GLB1: variants seen among roughly 807,000 people sequenced by gnomAD.
GLB1 encodes the protein galactosidase beta 1.
In GLB1, 56 loss-of-function variants were observed where a neutral mutation model predicts 74.0. The observed-to-expected ratio is 0.76, with a 90% CI of 0.61 to 0.94. The LOEUF is 0.94. Ranked by LOEUF, GLB1 falls within the 40% of genes least tolerant of loss-of-function variation. GLB1 has a pLI of 0.00. For missense variants in GLB1, 787 were observed against 845.5 expected, an observed-to-expected ratio of 0.93 and a Z score of 0.86; for synonymous variants, 323 against 323.6, an observed-to-expected ratio of 1.00 and a Z score of 0.02.
At chr3:32,962,121 G>C in the GLB1 span, among the ~76,000 whole-genome samples, 6 of 151,902 alleles carry the variant, frequency 3.9e-5, no homozygotes, top group Non-Finnish European at 8.8e-5. Context: ...TTAAACCCAG[G>C]AGGCGGAGGT....
chr3:33,096,398 TC>T, intron 1 of GLB1: 49 of 952,420 alleles, frequency 5.1e-5, no homozygotes, highest in Middle Eastern at 5.5e-4. Context: ...GCCTGCCTAT[TC>T]CCCCCCTCAA....
intron 1 of GLB1, among the ~76,000 whole-genome samples, chr3:33,095,514 G>C (rs1700986432): frequency 6.6e-6 from 1 of 152,146 alleles, no homozygotes; most frequent in African/African-American, 2.4e-5. Flanking sequence ...TTAGCTGTGG[G>C]CACAGAAGCC....
chr3:33,018,965 GT>G (rs1316648729), intron 12 of GLB1, among the ~76,000 whole-genome samples: 1 of 152,136 alleles, frequency 6.6e-6, no homozygotes, highest in Non-Finnish European at 1.5e-5. Context: ...AAGAGATGAA[GT>G]TCTGCTCAGC....
rs528419815 is a variant in GLB1 at position 33,090,414 on chromosome 3, G to A, written c.75+6597C>T. 17 of 985,438 alleles carry A rather than the reference G, an allele frequency of 1.7e-5. No homozygotes were observed. In the South Asian group the frequency reaches 7.5e-4, roughly 44 times the overall value. 61.0% of individuals were successfully genotyped at this position (985,438 alleles called of 1,614,324 possible). ...AAAACACGAGGGGAAGAAAAGCATG[G>A]ATGGGTATTTGGAAGGAATGGCAGC... On this transcript the variant is annotated intron_variant, in intron 1 of 15. Transcript: ENST00000307363.
intron 15 of GLB1, among the ~76,000 whole-genome samples, chr3:33,001,953 A>G (rs1696590918): frequency 6.6e-6 from 1 of 152,164 alleles, no homozygotes; most frequent in Admixed American, 6.5e-5. Context: ...ATATACATTG[A>G]TTTTTATTTC....
chr3:33,018,476 T>C lies in GLB1; in HGVS notation c.1319A>G (p.His440Arg). ...ATCCACAGCAACATATGCTCGATCG[T>C]GGACTCCATTGAGGGGTGAAGAGAG... is the stretch of plus-strand genomic sequence containing the variant. ...APLSSPLNGV[H>R]DRAYVAVDGI... Residue 440 changes from histidine (H) to arginine (R), a missense_variant, in exon 13 of 16, where the codon CAC becomes CGC. His to Arg is a conservative substitution (Grantham distance 29, BLOSUM62 0). Transcript: ENST00000307363. The C allele has an allele frequency of 6.2e-7, 1 of 1,614,030 alleles. No homozygotes were observed.
Position 33,092,285 on chromosome 3 carries a change from T to A in GLB1, c.75+4726A>T, listed in dbSNP as rs1180195361. 4.1e-6 allele frequency: 4 copies of A among 986,598 alleles called. No homozygotes were observed. The African/African-American group carries it at 7.0e-5, about 17-fold the overall frequency. 61.1% of individuals were successfully genotyped at this position (986,598 alleles called of 1,614,324 possible). ...ATGCCCTCAATAGAGGTGATCCTGA[T>A]AGAATCAGAGGAAAAGAAAATATTC... On this transcript the variant is annotated intron_variant, in intron 1 of 15. Transcript: ENST00000307363.
At chr3:32,965,013 C>T in the GLB1 span, among the ~76,000 whole-genome samples, 4 of 152,296 alleles carry the variant, frequency 2.6e-5, no homozygotes, top group South Asian at 6.2e-4. Context: ...TCACCTTCCA[C>T]CATGATTGTG....
At chr3:33,069,840 G>C (rs1282005381) in intron 2 of GLB1, among the ~76,000 whole-genome samples, 1 of 152,068 alleles carries the variant, frequency 6.6e-6, no homozygotes, top group African/African-American at 2.4e-5. Flanking sequence ...TTAGGTTCAG[G>C]GGTACATGTG....
At chr3:33,016,559 C>G in intron 14 of GLB1, 150 bp downstream of exon 14, 1 of 1,367,092 alleles carries the variant, frequency 7.3e-7, no homozygotes, top group Non-Finnish European at 1.0e-6. Context: ...ACTATTTTAC[C>G]CAGGCTGGTC....
intron 10 of GLB1, chr3:33,030,781 C>T (rs1697971290): frequency 1.0e-6 from 1 of 985,290 alleles, no homozygotes; most frequent in South Asian, 4.7e-5. Context: ...ATTTCCAAAA[C>T]ATCAGCGGAA....
chr3:33,013,868 G>A lies in GLB1; in HGVS notation c.1734+188C>T, dbSNP rs73826338. 0.019 allele frequency among the ~76,000 whole-genome samples: 2,867 copies of A among 152,208 alleles called. 80 individuals carry two copies. Among genetic ancestry groups the A allele is most frequent in the African/African-American group, 0.064 (2,667 of 41,488 alleles). ...GAAGCCAATGACAAGGGGGCAGATG[G>A]CAGCACCTCCGAGCTGGCCACTGAA... On this transcript the variant is annotated intron_variant, in intron 15 of 15. Transcript: ENST00000307363.
At chr3:33,092,959 C>T (rs140202261) in intron 1 of GLB1, 14 of 1,614,186 alleles carry the variant, frequency 8.7e-6, no homozygotes, top group Non-Finnish European at 1.2e-5. Flanking sequence ...TGGTAGAGAC[C>T]AGCAAAGAAG....
chr3:33,039,231 G>A (rs369820553), intron 10 of GLB1, among the ~76,000 whole-genome samples: 11 of 148,796 alleles, frequency 7.4e-5, no homozygotes, highest in East Asian at 3.9e-4. Flanking sequence ...TGGAGGTTGC[G>A]GTGAGCTGAG....
At chr3:33,022,947 C>G (rs1697560854) in intron 11 of GLB1, among the ~76,000 whole-genome samples, 1 of 152,132 alleles carries the variant, frequency 6.6e-6, no homozygotes, top group South Asian at 2.1e-4. Flanking sequence ...TTTCATCAAG[C>G]CAGCTACTCA....
intron 15 of GLB1, among the ~76,000 whole-genome samples, chr3:33,010,381 G>A (rs1183140784): frequency 6.6e-6 from 1 of 152,098 alleles, no homozygotes; most frequent in Non-Finnish European, 1.5e-5. Context: ...GTTTATAATA[G>A]ACATTTTACC....
chr3:32,981,391 C>T, the GLB1 span, among the ~76,000 whole-genome samples: 6 of 113,038 alleles, frequency 5.3e-5, no homozygotes, highest in African/African-American at 1.9e-4. Flanking sequence ...CAGAGTGAGA[C>T]TCCATCTCAA....
At chr3:33,000,019 C>T (rs1340087943) in intron 15 of GLB1, among the ~76,000 whole-genome samples, 1 of 151,850 alleles carries the variant, frequency 6.6e-6, no homozygotes, top group Non-Finnish European at 1.5e-5. Flanking sequence ...AATGCAGTGG[C>T]ACCATCACGA....
intron 1 of GLB1, among the ~76,000 whole-genome samples, chr3:33,076,825 A>T (rs1224908290): frequency 3.9e-5 from 6 of 152,264 alleles, no homozygotes. Flanking sequence ...AGTGATAAAT[A>T]CAGAGAAAGA....
Sources: gnomAD v4.1 joint callset for allele counts (sites outside exome capture counted in the v4.1 genomes callset) on GRCh38, gnomAD v4.1.1 for gene constraint, MANE v1.5 for transcripts, NCBI Gene and HGNC (gene_info 2026-07-23, HGNC 2026-07-21) for gene names.